The following GIMAP1 variants were observed in gnomAD, a reference collection of about 807,000 sequenced individuals.
GIMAP1 encodes GTPase, IMAP family member 1.
For missense variants in GIMAP1, 423 were observed against 411.9 expected (o/e 1.03, Z -0.23); for synonymous variants, 230 against 187.7 (o/e 1.23, Z -1.84).
At position 150,722,621 on chromosome 7, in the gene GIMAP1, G is replaced by C. The variant is rs548513455; in HGVS notation, c.*1696G>C. ...GGTCACTTGCGCACGAGCCAGTGCT[G>C]CTGCTGGTGTTAGACAACAACTTTT... On this transcript the variant is annotated 3_prime_UTR_variant, in exon 3 of 3. Coordinates refer to ENST00000307194, the MANE Select transcript of GIMAP1 (RefSeq NM_130759.4). The C allele has an allele frequency of 6.6e-6, 1 of 152,406 alleles. No homozygotes were observed. The highest frequency in any genetic ancestry group is 6.5e-5 in the Admixed American group (1 of 15,310). The allele number at this position is 152,406 out of a possible 1,614,324, so 9.4% of individuals were successfully genotyped here. A position where few individuals can be genotyped will look rare whatever the true frequency, so the allele number is the denominator to read the frequency against.
At chr7:150,717,082 C>T (rs1797227485) in intron 1 of GIMAP1, among the ~76,000 whole-genome samples, 2 of 152,200 alleles carry the variant, frequency 1.3e-5, no homozygotes, top group Admixed American at 6.5e-5. Flanking sequence ...GCCATCTAAC[C>T]TCGGAGTGAG....
At chr7:150,718,137 G>C (rs113269151) in intron 1 of GIMAP1, among the ~76,000 whole-genome samples, 1 of 152,190 alleles carries the variant, frequency 6.6e-6, no homozygotes, top group Admixed American at 6.5e-5. Context: ...GTAGCTGACC[G>C]AGTGGGGTAT....
At chr7:150,719,918 A>G (rs1797270625) in intron 2 of GIMAP1, 130 bp from the exon 3 acceptor site, 1 of 1,274,110 alleles carries the variant, frequency 7.8e-7, no homozygotes, top group Non-Finnish European at 1.1e-6. Flanking sequence ...ATACAAAAGG[A>G]AAAGGTGGAA....
chr7:150,719,353 A>G, intron 2 of GIMAP1: 2 of 478,974 alleles, frequency 4.2e-6, no homozygotes, highest in Middle Eastern at 1.1e-3. Flanking sequence ...GAAGAAGTGC[A>G]GAGGGGATTA....
At chr7:150,719,130 G>A in intron 2 of GIMAP1, 40 bp downstream of exon 2, 1 of 1,613,658 alleles carries the variant, frequency 6.2e-7, no homozygotes, top group East Asian at 2.2e-5. Flanking sequence ...GCCCCCCTAG[G>A]CTTGAACTTA....
chr7:150,720,260 A>G lies in GIMAP1; in HGVS notation c.256A>G (p.Ile86Val). 1.2e-6 allele frequency: 2 copies of G among 1,614,168 alleles called. No individual in the cohort carries two copies. Among genetic ancestry groups the G allele is most frequent in the Non-Finnish European group, 1.7e-6 (2 of 1,180,038 alleles). ...CGTGGAAGTCGTGGACACTCCGGAC[A>G]TTTTCAGCTCCCAAGTGTCCAAGAC... ...CHVEVVDTPDIFSSQVSKTDP... is the reference protein window; with the variant it reads ...CHVEVVDTPDVFSSQVSKTDP... Residue 86 changes from isoleucine (I) to valine (V), a missense_variant, in exon 3 of 3, where the codon ATT becomes GTT. Ile to Val is a conservative substitution (Grantham distance 29, BLOSUM62 3). Transcript: ENST00000307194. This position sits in a 1 kb window ranked among gnomAD's most constrained non-coding sequence, Gnocchi z 4.5.
chr7:150,720,556 G>T lies in GIMAP1; in HGVS notation c.552G>T (p.Arg184=). 1 of 1,613,246 alleles carries T rather than the reference G, an allele frequency of 6.2e-7. No individual in the cohort carries two copies. The highest frequency in any genetic ancestry group is 8.5e-7 in the Non-Finnish European group (1 of 1,179,596). The change falls in exon 3 of 3, where the codon CGG becomes CGT. Residue 184 remains arginine (R), a synonymous_variant. Transcript: ENST00000307194. The surrounding 1 kb of genome is among the most constrained non-coding windows in gnomAD (Gnocchi z 4.5). ...LRELVAECGG[R]VCAFDNRATG... ...AGCTGGTGGCCGAGTGCGGGGGCCG[G>T]GTCTGTGCCTTTGATAACCGGGCCA...
Position 150,721,648 on chromosome 7 carries a change from T to G in GIMAP1, c.*723T>G, listed in dbSNP as rs1314324985. On this transcript the variant is annotated 3_prime_UTR_variant, in exon 3 of 3. Coordinates refer to ENST00000307194, the MANE Select transcript of GIMAP1 (RefSeq NM_130759.4). ...CAACATGGCGAAACCCCATCTCTAC[T>G]AAAAATACAAAAATTAGCCAGGCGT... 6.6e-6 allele frequency: 1 copy of G among 151,900 alleles called. No individual in the cohort carries two copies. Among genetic ancestry groups the G allele is most frequent in the African/African-American group, 2.4e-5 (1 of 41,346 alleles). 9.4% of individuals were successfully genotyped at this position (151,900 alleles called of 1,614,324 possible).
intron 1 of GIMAP1, among the ~76,000 whole-genome samples, chr7:150,716,981 C>T (rs531400768): frequency 6.6e-6 from 1 of 152,104 alleles, no homozygotes; most frequent in South Asian, 2.1e-4. Flanking sequence ...GCTGGAACCA[C>T]CTCCAGGAAT....
Position 150,720,904 on chromosome 7 carries a change from T to G in GIMAP1, c.900T>G (p.Val300=). The G allele has an allele frequency of 6.3e-7, 1 of 1,581,448 alleles. No homozygotes were observed. The highest frequency in any genetic ancestry group is 8.6e-7 in the Non-Finnish European group (1 of 1,169,534). The change falls in exon 3 of 3, where the codon GTT becomes GTG. Residue 300 remains valine, a synonymous_variant. Transcript: ENST00000307194. This position sits in a 1 kb window ranked among gnomAD's most constrained non-coding sequence, Gnocchi z 4.5. ...TCCACAGGCGGTGGTCGGAGGCCGT[T>G]GCGGAGGTCGGGCCTGACTGACAGC... ...VLLHRRWSEA[V]AEVGPD is the part of the protein sequence containing the mutation.
Position 150,720,208 on chromosome 7 carries a change from G to GCCT in GIMAP1, c.204_205insCCT (p.Thr68_Gly69insPro), listed in dbSNP as rs751227415. ...CGTCTGTGACCAGGGCCTGCACCAC[G>GCCT]GGCAGCCGCAGGTGGGACAAGTGCC... On this transcript the variant is annotated inframe_insertion, in exon 3 of 3. Transcript: ENST00000307194. This position sits in a 1 kb window ranked among gnomAD's most constrained non-coding sequence, Gnocchi z 4.5. The GCCT allele has an allele frequency of 6.2e-7, 1 of 1,614,066 alleles. No individual in the cohort carries two copies. The highest frequency in any genetic ancestry group is 1.3e-5 in the African/African-American group (1 of 74,942).
chr7:150,718,632 T>C (rs1830424146), intron 1 of GIMAP1, among the ~76,000 whole-genome samples: 1 of 152,178 alleles, frequency 6.6e-6, no homozygotes, highest in African/African-American at 2.4e-5. Context: ...CCCATTGGCA[T>C]TGAGTAAATG....
Position 150,720,937 on chromosome 7 carries a change from CTAA to C in GIMAP1, c.*13_*15del, listed in dbSNP as rs1797294995. On this transcript the variant is annotated 3_prime_UTR_variant, in exon 3 of 3. Transcript: ENST00000307194. This position sits in a 1 kb window ranked among gnomAD's most constrained non-coding sequence, Gnocchi z 4.5. ...TCGGGCCTGACTGACAGCGCAGGTC[CTAA>C]AACTGAAGGCAACTTGGTTAAGGGA... 1 of 1,507,418 alleles carries C rather than the reference CTAA, an allele frequency of 6.6e-7. No homozygotes were observed. The highest frequency in any genetic ancestry group is 8.8e-7 in the Non-Finnish European group (1 of 1,136,226). 93.4% of individuals were successfully genotyped at this position (1,507,418 alleles called of 1,614,324 possible). A position where few individuals can be genotyped will look rare whatever the true frequency, so the allele number is the denominator to read the frequency against.
intron 2 of GIMAP1, 107 bp from the exon 3 acceptor site, chr7:150,719,941 G>A: frequency 7.1e-7 from 1 of 1,410,722 alleles, no homozygotes; most frequent in Non-Finnish European, 9.4e-7. Flanking sequence ...GAACGCCCAG[G>A]CGTTCAAATC....
intron 1 of GIMAP1, among the ~76,000 whole-genome samples, chr7:150,716,945 C>A (rs1363789376): frequency 6.6e-6 from 1 of 152,092 alleles, no homozygotes; most frequent in Non-Finnish European, 1.5e-5. Flanking sequence ...CTCCCACATT[C>A]CCTTAACAAA....
intron 1 of GIMAP1, among the ~76,000 whole-genome samples, chr7:150,716,913 G>T (rs1241518431): frequency 6.6e-6 from 1 of 152,080 alleles, no homozygotes; most frequent in Non-Finnish European, 1.5e-5. Flanking sequence ...ACACGTTCTT[G>T]GTGGGGAGTG....
At chr7:150,719,329 C>T (rs956986685) in intron 2 of GIMAP1, 2 of 540,196 alleles carry the variant, frequency 3.7e-6, no homozygotes, top group Non-Finnish European at 6.6e-6. Context: ...AATAAACCTA[C>T]TCCGATCACC....
chr7:150,719,681 C>G (rs1249673677), intron 2 of GIMAP1, among the ~76,000 whole-genome samples: 1 of 152,218 alleles, frequency 6.6e-6, no homozygotes, highest in Non-Finnish European at 1.5e-5. Flanking sequence ...GGACTCCACA[C>G]AGCTCTTCAC....
rs1179094897 is a variant in GIMAP1 at position 150,723,679 on chromosome 7, A to G, written c.*2754A>G. 1 of 152,180 alleles carries G rather than the reference A, an allele frequency of 6.6e-6. No individual in the cohort carries two copies. Among genetic ancestry groups the G allele is most frequent in the Non-Finnish European group, 1.5e-5 (1 of 68,044 alleles). 9.4% of individuals were successfully genotyped at this position (152,180 alleles called of 1,614,324 possible). On this transcript the variant is annotated 3_prime_UTR_variant, in exon 3 of 3. Coordinates refer to ENST00000307194, the MANE Select transcript of GIMAP1 (RefSeq NM_130759.4). ...ATTTGATAGCACAAATCAATTTTAT[A>G]CTTAAATTACAGCATAAAACAGCAC...
Sources: gnomAD v4.1 joint callset for allele counts (sites outside exome capture counted in the v4.1 genomes callset) on GRCh38, gnomAD v4.1.1 for gene constraint, Gnocchi (gnomAD v3.1) non-coding constraint, MANE v1.5 for transcripts, NCBI Gene and HGNC (gene_info 2026-07-23, HGNC 2026-07-21) for gene names.